BARX2: variants seen among roughly 807,000 people sequenced by gnomAD.
The protein encoded by BARX2 is BARX homeobox 2, also known as homeobox protein BarH-like 2.
A neutral mutation model predicts 25.5 loss-of-function variants in BARX2; 11 were observed. The observed-to-expected ratio is 0.43, with a 90% CI of 0.27 to 0.71. The LOEUF is 0.71. BARX2 is among the 30% of genes least tolerant of loss of function. BARX2 has a pLI of 0.19. For missense variants in BARX2, 360 were observed against 359.9 expected, an observed-to-expected ratio of 1.00 and a Z score of 0.00; for synonymous variants, 137 against 149.5, an observed-to-expected ratio of 0.92 and a Z score of 0.61.
intron 1 of BARX2, among the ~76,000 whole-genome samples, chr11:129,423,974 C>T (rs930094624): frequency 2.0e-5 from 3 of 151,930 alleles, no homozygotes; most frequent in East Asian, 1.9e-4. Context: ...CTCAGCCTCC[C>T]GAGTAACTGG....
chr11:129,436,358 A>T lies in BARX2; in HGVS notation c.188-393A>T. On this transcript the variant is annotated intron_variant, in intron 1 of 3. Transcript: ENST00000281437. The surrounding 1 kb of genome is among the most constrained non-coding windows in gnomAD (Gnocchi z 4.5). The stretch of plus-strand genomic sequence containing the variant: ...TTTATAAAGACCACAGGTGGTTCTC[A>T]GGAAGTTTGCATATTACAAATCTAT... The T allele has an allele frequency of 5.1e-6, 1 of 195,644 alleles. No individual in the cohort carries two copies. Among genetic ancestry groups the T allele is most frequent in the South Asian group, 1.9e-4 (1 of 5,178 alleles). 12.1% of individuals were successfully genotyped at this position (195,644 alleles called of 1,614,324 possible). A position where few individuals can be genotyped will look rare whatever the true frequency, so the allele number is the denominator to read the frequency against.
At chr11:129,380,122 C>G (rs1861547068) in intron 1 of BARX2, among the ~76,000 whole-genome samples, 1 of 151,988 alleles carries the variant, frequency 6.6e-6, no homozygotes, top group Non-Finnish European at 1.5e-5. Flanking sequence ...GTATGCCACT[C>G]TCCTCCTTGT....
intron 3 of BARX2, 142 bp downstream of exon 3, chr11:129,443,061 CT>C (rs1862282395): frequency 1.5e-6 from 1 of 676,050 alleles, no homozygotes; most frequent in East Asian, 2.8e-5. Flanking sequence ...TGCGGGGAAG[CT>C]GTTGGATCTG....
chr11:129,402,201 GTATACCAGCAGAAGCC>G (rs1861783779), intron 1 of BARX2, among the ~76,000 whole-genome samples: 1 of 152,050 alleles, frequency 6.6e-6, no homozygotes, highest in South Asian at 2.1e-4. Context: ...AGGCATCGCT[GTATACCAGCAGAAGCC>G]TGCAGCTTTG....
chr11:129,442,777 C>A (rs1482902588), intron 2 of BARX2, 58 bp from the exon 3 acceptor site: 1 of 1,436,004 alleles, frequency 7.0e-7, no homozygotes, highest in Admixed American at 1.7e-5. Flanking sequence ...AGCAGGATCC[C>A]ATCTCTCCTG....
chr11:129,377,360 T>C (rs559874501), intron 1 of BARX2, among the ~76,000 whole-genome samples: 2 of 152,232 alleles, frequency 1.3e-5, no homozygotes, highest in African/African-American at 2.4e-5. Context: ...AGTAAACATA[T>C]GATAAATACA....
At position 129,451,317 on chromosome 11, in the gene BARX2, G is replaced by T; in HGVS notation, c.755G>T (p.Arg252Leu). The change falls in exon 4 of 4, where the codon CGT (arginine) becomes CTT (leucine). Residue 252 changes from arginine (R) to leucine (L), a missense_variant. Arg to Leu is a moderately radical substitution (Grantham distance 102, BLOSUM62 -2). Around this residue, in one of 3 missense-constraint regions of BARX2, gnomAD observed 114 missense variants for 109.4 expected, o/e 1.04. Coordinates refer to ENST00000281437, the MANE Select transcript of BARX2 (RefSeq NM_003658.5). Reference protein sequence around the residue: ...ELCEAQEPKARDVPLEMAEPP... With the variant: ...ELCEAQEPKALDVPLEMAEPP... ...TGTGAAGCACAGGAACCGAAAGCAC[G>T]TGATGTCCCCTTAGAGATGGCAGAG... 1.2e-6 allele frequency: 2 copies of T among 1,614,152 alleles called. No homozygotes were observed. Among genetic ancestry groups the T allele is most frequent in the Non-Finnish European group, 8.5e-7 (1 of 1,180,024 alleles).
chr11:129,423,465 G>T (rs1041727383), intron 1 of BARX2, among the ~76,000 whole-genome samples: 2 of 152,118 alleles, frequency 1.3e-5, no homozygotes, highest in Non-Finnish European at 2.9e-5. Flanking sequence ...TCAGGAACTT[G>T]CCTGTGGACC....
intron 2 of BARX2, among the ~76,000 whole-genome samples, chr11:129,438,712 G>C (rs1026911901): frequency 6.6e-6 from 1 of 152,212 alleles, no homozygotes; most frequent in Non-Finnish European, 1.5e-5. Flanking sequence ...GAAAGCAGTC[G>C]AGAGAGTCCT....
At chr11:129,450,286 G>T (rs1862381197) in intron 3 of BARX2, among the ~76,000 whole-genome samples, 1 of 152,122 alleles carries the variant, frequency 6.6e-6, no homozygotes, top group East Asian at 1.9e-4. Flanking sequence ...ACTTATGTTT[G>T]ATCATTGTTG....
At chr11:129,441,572 C>T (rs767994047) in intron 2 of BARX2, among the ~76,000 whole-genome samples, 26 of 152,220 alleles carry the variant, frequency 1.7e-4, no homozygotes, top group Non-Finnish European at 3.5e-4. Flanking sequence ...CCTCAGCCTC[C>T]TTCGTAGCTG....
intron 1 of BARX2, among the ~76,000 whole-genome samples, chr11:129,434,436 A>C (rs1259613733): frequency 6.7e-6 from 1 of 148,186 alleles, no homozygotes; most frequent in Non-Finnish European, 1.5e-5. Context: ...AAAAAAAAAA[A>C]AAAAAAAAAA....
intron 1 of BARX2, among the ~76,000 whole-genome samples, chr11:129,407,305 A>G (rs929346772): frequency 7.9e-5 from 12 of 152,192 alleles, no homozygotes; most frequent in African/African-American, 2.9e-4. Context: ...TGTTTTGCGT[A>G]TGATGCTATT....
At chr11:129,407,191 A>G (rs1474223651) in intron 1 of BARX2, among the ~76,000 whole-genome samples, 1 of 152,200 alleles carries the variant, frequency 6.6e-6, no homozygotes, top group Non-Finnish European at 1.5e-5. Context: ...CTCTGCTTGA[A>G]TACGGCTGGT....
At chr11:129,424,369 A>G (rs935649578) in intron 1 of BARX2, among the ~76,000 whole-genome samples, 3 of 152,150 alleles carry the variant, frequency 2.0e-5, no homozygotes, top group Non-Finnish European at 4.4e-5. Flanking sequence ...ATTTCTCTCA[A>G]TGGCCCTAAA....
intron 3 of BARX2, among the ~76,000 whole-genome samples, chr11:129,446,299 G>A (rs941073110): frequency 3.3e-5 from 5 of 152,054 alleles, no homozygotes; most frequent in Admixed American, 6.5e-5. Context: ...GAATTGCGTG[G>A]GCCCCACACT....
chr11:129,451,697 G>T lies in BARX2; in HGVS notation c.*295G>T, dbSNP rs1163150064. 2.5e-6 allele frequency: 1 copy of T among 403,316 alleles called. No homozygotes were observed. Among genetic ancestry groups the T allele is most frequent in the Non-Finnish European group, 4.5e-6 (1 of 220,226 alleles). The allele number at this position is 403,316 out of a possible 1,614,324, so 25.0% of individuals were successfully genotyped here. A position where few individuals can be genotyped will look rare whatever the true frequency, so the allele number is the denominator to read the frequency against. On this transcript the variant is annotated 3_prime_UTR_variant, in exon 4 of 4. Transcript: ENST00000281437. Reference sequence around the variant, plus strand: ...AGCTGGGGTGACGGCTGTAGGGCTGGGTCTATGTTGCAAGCCCTATATCCT... The same window carrying T: ...AGCTGGGGTGACGGCTGTAGGGCTGTGTCTATGTTGCAAGCCCTATATCCT...
intron 3 of BARX2, among the ~76,000 whole-genome samples, chr11:129,446,132 T>C (rs1486752717): frequency 6.6e-6 from 1 of 152,134 alleles, no homozygotes; most frequent in Non-Finnish European, 1.5e-5. Context: ...ATGCGCACCC[T>C]CTATTCCATG....
chr11:129,405,723 T>C (rs1278663332), intron 1 of BARX2, among the ~76,000 whole-genome samples: 5 of 152,254 alleles, frequency 3.3e-5, no homozygotes, highest in African/African-American at 1.2e-4. Context: ...GTTTAAAGTT[T>C]AGAAATTCTA....
Sources: gnomAD v4.1 joint callset for allele counts (sites outside exome capture counted in the v4.1 genomes callset) on GRCh38, gnomAD v4.1.1 for gene constraint, gnomAD v4.1.1 regional missense constraint, Gnocchi (gnomAD v3.1) non-coding constraint, MANE v1.5 for transcripts, NCBI Gene and HGNC (gene_info 2026-07-23, HGNC 2026-07-21) for gene names.